GCC1: variants seen among roughly 807,000 people sequenced by gnomAD.
GCC1 encodes the protein GRIP and coiled-coil domain-containing protein 1.
Under a neutral mutation model 62.5 loss-of-function variants are expected in GCC1, and 36 were observed. The observed-to-expected ratio is 0.58, with a 90% CI of 0.44 to 0.76. The LOEUF is 0.76. Among genes scored for constraint, GCC1 ranks in the 30% least tolerant of loss-of-function variants. The pLI is 0.00. For synonymous variants in GCC1, 391 were observed against 386.8 expected, an observed-to-expected ratio of 1.01 and a Z score of -0.13; for missense variants, 885 against 948.3, an observed-to-expected ratio of 0.93 and a Z score of 0.88.
rs1794176753 is a variant in GCC1, at chr7:127,584,546, C to G, written c.637G>C (p.Gly213Arg). 6.2e-7 allele frequency: 1 copy of G among 1,613,986 alleles called. No homozygotes were observed. Among genetic ancestry groups the G allele is most frequent in the South Asian group, 1.1e-5 (1 of 91,078 alleles). Reference protein sequence around the residue: ...KAEEERARLEGELKGLQEQIA... With the variant: ...KAEEERARLERELKGLQEQIA... ...TGCTCCTGCAGCCCCTTCAATTCTCCCTCCAGGCGGGCCCTCTCCTCCTCC... is the reference window on the plus strand; with the variant it reads ...TGCTCCTGCAGCCCCTTCAATTCTCGCTCCAGGCGGGCCCTCTCCTCCTCC... The change falls in exon 1 of 2, where the codon GGA becomes CGA. Residue 213 changes from glycine (G) to arginine (R), a missense_variant. Gly to Arg is a moderately radical substitution (Grantham distance 125). Transcript: ENST00000321407.
chr7:127,582,262 G>A lies in GCC1; in HGVS notation c.2080C>T (p.Arg694Trp), dbSNP rs374318153. 2.1e-5 allele frequency: 34 copies of A among 1,614,018 alleles called. No homozygotes were observed. The highest frequency in any genetic ancestry group is 9.3e-5 in the African/African-American group (7 of 74,904). ...LQDRLLEEGE[R>W]HREEVAALQS... is the part of the protein sequence containing the mutation. ...AGGGCTGCAACCTCCTCACGATGCC[G>A]TTCGCCCTCCTCCAGCAGCCGATCC... Residue 694 changes from arginine (R) to tryptophan (W), a missense_variant, in exon 2 of 2, where the codon CGG becomes TGG. Transcript: ENST00000321407. The surrounding 1 kb of genome is among the most constrained non-coding windows in gnomAD (Gnocchi z 4.8).
chr7:127,585,457 C>G lies in GCC1; in HGVS notation c.-275G>C. 2.2e-6 allele frequency: 1 copy of G among 463,866 alleles called. No homozygotes were observed. Among genetic ancestry groups the G allele is most frequent in the Non-Finnish European group, 3.8e-6 (1 of 259,840 alleles). 28.7% of individuals were successfully genotyped at this position (463,866 alleles called of 1,614,324 possible). A position where few individuals can be genotyped will look rare whatever the true frequency, so the allele number is the denominator to read the frequency against. On this transcript the variant is annotated 5_prime_UTR_variant, in exon 1 of 2. Coordinates refer to ENST00000321407, the MANE Select transcript of GCC1 (RefSeq NM_024523.6). The stretch of plus-strand genomic sequence containing the variant: ...TGCGCACTGCCAGGGCTCGTTAGCG[C>G]TGGCCCAGAAGCCGCTCCGCACTCT...
Position 127,582,917 on chromosome 7 carries a change from C to T in GCC1, c.1425G>A (p.Lys475=), listed in dbSNP as rs1242826380. Residue 475 remains lysine, a synonymous_variant, in exon 2 of 2, where the codon AAG becomes AAA. Transcript: ENST00000321407. The surrounding 1 kb of genome is among the most constrained non-coding windows in gnomAD (Gnocchi z 4.8). ...MPSSEAADGE[K]ATALYYQQEL... is the part of the protein sequence containing the mutation. ...CCTGTTGGTAATAGAGTGCAGTAGC[C>T]TTCTCCCCATCAGCAGCCTCCGAGC... is the stretch of plus-strand genomic sequence containing the variant. The T allele has an allele frequency of 1.2e-6, 2 of 1,614,194 alleles. No homozygotes were observed.
chr7:127,581,302 G>A lies in GCC1; in HGVS notation c.*712C>T, dbSNP rs1794130788. 1 of 152,216 alleles carries A rather than the reference G, an allele frequency of 6.6e-6. No homozygotes were observed. Among genetic ancestry groups the A allele is most frequent in the Non-Finnish European group, 1.5e-5 (1 of 68,046 alleles). The allele number at this position is 152,216 out of a possible 1,614,324, so 9.4% of individuals were successfully genotyped here. ...GGCAGATAGGTTAAGGCAAGGATAG[G>A]CAAGAAAGGTCTATTTTAACCCTAT... On this transcript the variant is annotated 3_prime_UTR_variant, in exon 2 of 2. Coordinates refer to ENST00000321407, the MANE Select transcript of GCC1 (RefSeq NM_024523.6).
Position 127,584,860 on chromosome 7 carries a change from G to A in GCC1, c.323C>T (p.Thr108Ile). 6.2e-7 allele frequency: 1 copy of A among 1,614,168 alleles called. No homozygotes were observed. Among genetic ancestry groups the A allele is most frequent in the East Asian group, 2.2e-5 (1 of 44,878 alleles). ...TACCCCAAACTCACCCTTGGTGCTG[G>A]TGAGACTGGCCGCAGTATCCAAGCT... is the stretch of plus-strand genomic sequence containing the variant. Reference protein sequence around the residue: ...ATSLDTAASLTSTKGEFGVED... With the variant: ...ATSLDTAASLISTKGEFGVED... Residue 108 changes from threonine (T) to isoleucine (I), a missense_variant, in exon 1 of 2, where the codon ACC becomes ATC. Physicochemically the swap from Thr to Ile is moderately conservative, Grantham distance 89 (BLOSUM62 -1). Coordinates refer to ENST00000321407, the MANE Select transcript of GCC1 (RefSeq NM_024523.6).
At position 127,584,624 on chromosome 7, in the gene GCC1, A is replaced by G; in HGVS notation, c.559T>C (p.Leu187=). ...TGTTTCATCTTTTTCTTGTCAGCCA[A>G]GTAAGAAGCCTCCATGCGGGACTTC... ...QEKSRMEASY[L]ADKKKMKQDL... Residue 187 remains leucine, a synonymous_variant, in exon 1 of 2, where the codon TTG becomes CTG. Transcript: ENST00000321407. 2 of 1,614,122 alleles carry G rather than the reference A, an allele frequency of 1.2e-6. No individual in the cohort carries two copies. The highest frequency in any genetic ancestry group is 1.7e-6 in the Non-Finnish European group (2 of 1,180,016).
Position 127,584,293 on chromosome 7 carries a change from C to T in GCC1, c.890G>A (p.Arg297His). The T allele has an allele frequency of 1.9e-6, 3 of 1,613,678 alleles. No homozygotes were observed. Among genetic ancestry groups the T allele is most frequent in the Non-Finnish European group, 1.7e-6 (2 of 1,179,956 alleles). Residue 297 changes from arginine to histidine, a missense_variant, in exon 1 of 2, where the codon CGT becomes CAT. Physicochemically the swap from Arg to His is conservative, Grantham distance 29. Transcript: ENST00000321407. ...GFELQTKQLT[R>H]EVEELKSELQ... Reference sequence around the variant, plus strand: ...TTCACTTTTCAGCTCCTCCACCTCACGGGTCAGCTGCTTGGTCTGCAGTTC... The same window carrying T: ...TTCACTTTTCAGCTCCTCCACCTCATGGGTCAGCTGCTTGGTCTGCAGTTC...
Position 127,584,158 on chromosome 7 carries a change from A to C in GCC1, c.1025T>G (p.Met342Arg). Residue 342 changes from methionine to arginine, a missense_variant, in exon 1 of 2, where the codon ATG becomes AGG. Coordinates refer to ENST00000321407, the MANE Select transcript of GCC1 (RefSeq NM_024523.6). Reference protein sequence around the residue: ...SHFQAQLQQEMRKTALAEDQL... With the variant: ...SHFQAQLQQERRKTALAEDQL... ...AGAGATATGGATAATTACCTTTCTCATTTCCTGCTGTAACTGAGCCTGGAA... is the reference window on the plus strand; with the variant it reads ...AGAGATATGGATAATTACCTTTCTCCTTTCCTGCTGTAACTGAGCCTGGAA... 6.2e-7 allele frequency: 1 copy of C among 1,613,282 alleles called. No individual in the cohort carries two copies. Among genetic ancestry groups the C allele is most frequent in the Non-Finnish European group, 8.5e-7 (1 of 1,179,560 alleles).
In GCC1 at chr7:127,584,283, C is replaced by T. The variant is rs1794172648; in HGVS notation, c.900G>A (p.Glu300=). ...TGGCCTGCAGTTCACTTTTCAGCTC[C>T]TCCACCTCACGGGTCAGCTGCTTGG... The part of the protein sequence containing the change: ...LQTKQLTREV[E]ELKSELQAIR... The change falls in exon 1 of 2, where the codon GAG becomes GAA. Residue 300 remains glutamate, a synonymous_variant. Transcript: ENST00000321407. The T allele has an allele frequency of 6.2e-7, 1 of 1,613,574 alleles. No individual in the cohort carries two copies. Among genetic ancestry groups the T allele is most frequent in the African/African-American group, 1.3e-5 (1 of 74,736 alleles).
chr7:127,582,633 C>A lies in GCC1; in HGVS notation c.1709G>T (p.Cys570Phe). The change falls in exon 2 of 2, where the codon TGC (cysteine) becomes TTC (phenylalanine). Residue 570 changes from cysteine (C) to phenylalanine (F), a missense_variant. Physicochemically the swap from Cys to Phe is radical, Grantham distance 205. Transcript: ENST00000321407. This position sits in a 1 kb window ranked among gnomAD's most constrained non-coding sequence, Gnocchi z 4.8. ...QQLHRQELER[C>F]QLDFRDRTLK... The stretch of plus-strand genomic sequence containing the variant: ...TGTGCGGTCCCTGAAGTCCAGCTGG[C>A]ACCGCTCCAGCTCCTGCCGGTGGAG... 1 of 1,613,124 alleles carries A rather than the reference C, an allele frequency of 6.2e-7. No individual in the cohort carries two copies. The highest frequency in any genetic ancestry group is 8.5e-7 in the Non-Finnish European group (1 of 1,179,970).
chr7:127,582,669 C>T lies in GCC1; in HGVS notation c.1673G>A (p.Arg558Gln), dbSNP rs755684526. ...EADDWKQELARLQQLHRQELE... is the reference protein window; with the variant it reads ...EADDWKQELAQLQQLHRQELE... ...CTCCTGCCGGTGGAGCTGCTGCAGC[C>T]GGGCCAGCTCCTGCTTCCAGTCATC... Residue 558 changes from arginine to glutamine, a missense_variant, in exon 2 of 2, where the codon CGG (arginine) becomes CAG (glutamine). Transcript: ENST00000321407. This position sits in a 1 kb window ranked among gnomAD's most constrained non-coding sequence, Gnocchi z 4.8. 1.1e-5 allele frequency: 17 copies of T among 1,613,628 alleles called. No homozygotes were observed. In the Admixed American group the frequency reaches 1.5e-4, roughly 14 times the overall value.
chr7:127,585,319 C>A lies in GCC1; in HGVS notation c.-137G>T. 1 of 819,564 alleles carries A rather than the reference C, an allele frequency of 1.2e-6. No individual in the cohort carries two copies. The highest frequency in any genetic ancestry group is 2.7e-5 in the East Asian group (1 of 37,276). The allele number at this position is 819,564 out of a possible 1,614,324, so 50.8% of individuals were successfully genotyped here. ...CGCACACCTACTCCACCTAGTTATC[C>A]CGGACCTAATGCGGAACGGCCGGAC... On this transcript the variant is annotated 5_prime_UTR_variant, in exon 1 of 2. Coordinates refer to ENST00000321407, the MANE Select transcript of GCC1 (RefSeq NM_024523.6).
Position 127,584,141 on chromosome 7 carries a change from G to C in GCC1, c.1032+10C>G, listed in dbSNP as rs778503493. The C allele has an allele frequency of 6.2e-7, 1 of 1,609,814 alleles. No individual in the cohort carries two copies. The highest frequency in any genetic ancestry group is 1.1e-5 in the South Asian group (1 of 90,876). On this transcript the variant is annotated intron_variant, in intron 1 of 1. Transcript: ENST00000321407. ...AATGGCTGATGTTTGAAAGAGATAT[G>C]GATAATTACCTTTCTCATTTCCTGC...
rs1490968352 is a variant in GCC1 at position 127,585,556 on chromosome 7, G to A, written c.-374C>T. ...CGGCCAGAGGGTTACGCTGAGCTCG[G>A]TCCCATCACGACATCCTAACTAAAG... On this transcript the variant is annotated 5_prime_UTR_variant, in exon 1 of 2. Coordinates refer to ENST00000321407, the MANE Select transcript of GCC1 (RefSeq NM_024523.6). 1 of 206,526 alleles carries A rather than the reference G, an allele frequency of 4.8e-6. No individual in the cohort carries two copies. Among genetic ancestry groups the A allele is most frequent in the African/African-American group, 2.3e-5 (1 of 43,088 alleles). The allele number at this position is 206,526 out of a possible 1,614,324, so 12.8% of individuals were successfully genotyped here.
rs1562952062 is a variant in GCC1 at position 127,583,284 on chromosome 7, C to CG, written c.1057dup (p.Arg353ProfsTer23). On this transcript the variant is annotated frameshift_variant, in exon 2 of 2. Coordinates refer to ENST00000321407, the MANE Select transcript of GCC1 (RefSeq NM_024523.6). ...CTGTTCTTCTACCTGAGATTGCTGA[C>CG]GGAGTTGATCCTCTGCAAGAGCTGT... is the stretch of plus-strand genomic sequence containing the variant. 1 of 1,605,396 alleles carries CG rather than the reference C, an allele frequency of 6.2e-7. No individual in the cohort carries two copies.
Position 127,582,089 on chromosome 7 carries a change from G to A in GCC1, c.2253C>T (p.His751=). ...TCACTTGTTTCTCCTCTGGACTGAAGTGCAAGATAGTCAGTATGGCTGTGA... is the reference window on the plus strand; with the variant it reads ...TCACTTGTTTCTCCTCTGGACTGAAATGCAAGATAGTCAGTATGGCTGTGA... ...QTLTAILTIL[H]FSPEEKQVIM... The change falls in exon 2 of 2, where the codon CAC becomes CAT. Residue 751 remains histidine (H), a synonymous_variant. Transcript: ENST00000321407. This position sits in a 1 kb window ranked among gnomAD's most constrained non-coding sequence, Gnocchi z 4.8. 1 of 1,614,214 alleles carries A rather than the reference G, an allele frequency of 6.2e-7. No individual in the cohort carries two copies. Among genetic ancestry groups the A allele is most frequent in the Non-Finnish European group, 8.5e-7 (1 of 1,180,036 alleles).
rs1196841118 is a variant in GCC1, at chr7:127,581,220, T to A, written c.*794A>T. The A allele has an allele frequency of 1.3e-5, 2 of 152,208 alleles. No individual in the cohort carries two copies. Among genetic ancestry groups the A allele is most frequent in the Non-Finnish European group, 2.9e-5 (2 of 68,040 alleles). The allele number at this position is 152,208 out of a possible 1,614,324, so 9.4% of individuals were successfully genotyped here. A position where few individuals can be genotyped will look rare whatever the true frequency, so the allele number is the denominator to read the frequency against. ...CTAGGACTTTATTTCTTAATGAAAG[T>A]TCAACACTGAGGAAAAGATAGCAAA... On this transcript the variant is annotated 3_prime_UTR_variant, in exon 2 of 2. Coordinates refer to ENST00000321407, the MANE Select transcript of GCC1 (RefSeq NM_024523.6).
rs749486565 is a variant in GCC1, at chr7:127,584,348, C to G, written c.835G>C (p.Ala279Pro). Residue 279 changes from alanine to proline, a missense_variant, in exon 1 of 2, where the codon GCA becomes CCA. Ala to Pro is a conservative substitution (Grantham distance 27). Transcript: ENST00000321407. ...CCTTCCATCTGTTCAGCTGCATATGCTCGTCCTGCCAAGGCTTCTCGGGTC... is the reference window on the plus strand; with the variant it reads ...CCTTCCATCTGTTCAGCTGCATATGGTCGTCCTGCCAAGGCTTCTCGGGTC... Reference protein sequence around the residue: ...EETREALAGRAYAAEQMEGFE... With the variant: ...EETREALAGRPYAAEQMEGFE... 6.2e-7 allele frequency: 1 copy of G among 1,613,866 alleles called. No individual in the cohort carries two copies. Among genetic ancestry groups the G allele is most frequent in the African/African-American group, 1.3e-5 (1 of 74,918 alleles).
At chr7:127,583,375 G>C in intron 1 of GCC1, 66 bp from the exon 2 acceptor site, 1 of 1,278,168 alleles carries the variant, frequency 7.8e-7, no homozygotes, top group South Asian at 1.4e-5. Flanking sequence ...TGAGAAAGCA[G>C]GAGAGGGGAG....
Sources: gnomAD v4.1 joint callset for allele counts on GRCh38, gnomAD v4.1.1 for gene constraint, Gnocchi (gnomAD v3.1) non-coding constraint, MANE v1.5 for transcripts, NCBI Gene and HGNC (gene_info 2026-07-23, HGNC 2026-07-21) for gene names.